Variants in KNDC1 observed in about 807,000 individuals in gnomAD.
The protein encoded by KNDC1 is kinase non-catalytic C-lobe domain-containing protein 1.
KNDC1 carries 106 observed loss-of-function variants against 172.8 expected under a neutral mutation model. That is an observed-to-expected ratio of 0.61 (90% CI 0.52 to 0.72). KNDC1 has a LOEUF of 0.72. Among genes scored for constraint, KNDC1 ranks in the 30% least tolerant of loss-of-function variants. The pLI is 0.00. For missense variants in KNDC1, 2,325 were observed against 2,394.5 expected, an observed-to-expected ratio of 0.97 and a Z score of 0.61; for synonymous variants, 1,083 against 1,062.2, an observed-to-expected ratio of 1.02 and a Z score of -0.38.
chr10:133,186,787 C>A, intron 6 of KNDC1, 113 bp downstream of exon 6: 1 of 737,544 alleles, frequency 1.4e-6, no homozygotes, highest in Non-Finnish European at 2.1e-6. Flanking sequence ...AACCTTCACC[C>A]TCGCTCCATA....
rs1409058706 is a variant in KNDC1, at chr10:133,224,888, T to C, written c.5248T>C (p.Ter1750GlnextTer85). ...KLRRMKATFQ[*>Q] ...ACGGAGGATGAAGGCTACATTCCAG[T>C]AGCCGAGCTCGGGCCTGGTGTGGAA... The change falls in exon 30 of 30, where the codon TAG (stop) becomes CAG (glutamine). Residue 1750 changes from the stop codon to glutamine (Q), a stop_lost. Coordinates refer to ENST00000304613, the MANE Select transcript of KNDC1 (RefSeq NM_152643.8). This position sits in a 1 kb window ranked among gnomAD's most constrained non-coding sequence, Gnocchi z 5.4. 2 of 1,609,832 alleles carry C rather than the reference T, an allele frequency of 1.2e-6. No homozygotes were observed. Among genetic ancestry groups the C allele is most frequent in the Non-Finnish European group, 1.7e-6 (2 of 1,176,676 alleles).
intron 3 of KNDC1, among the ~76,000 whole-genome samples, chr10:133,177,485 T>C (rs114787417): frequency 0.044 from 6,641 of 152,196 alleles, 204 homozygotes; most frequent in Middle Eastern, 0.065. Flanking sequence ...TGCATGCATG[T>C]AGTATGGTGT....
chr10:133,221,762 T>G (rs575196454), intron 29 of KNDC1, among the ~76,000 whole-genome samples: 2 of 152,190 alleles, frequency 1.3e-5, no homozygotes, highest in African/African-American at 2.4e-5. Flanking sequence ...AGAAAACCCA[T>G]GTCAGCAAAA....
In KNDC1 at chr10:133,218,823, T is replaced by C; in HGVS notation, c.4678-8T>C. The C allele has an allele frequency of 6.2e-7, 1 of 1,609,640 alleles. No homozygotes were observed. The highest frequency in any genetic ancestry group is 8.5e-7 in the Non-Finnish European group (1 of 1,176,460). ...GAAGACGCTGAATGTGTCATTTTCT[T>C]ATTGCAGCTGCAGGTGAACTTGCTG... On this transcript the variant is annotated splice_region_variant and splice_polypyrimidine_tract_variant and intron_variant, in intron 26 of 29. Transcript: ENST00000304613.
rs61746070 is a variant in KNDC1, at chr10:133,186,039, G to A, written c.691G>A (p.Gly231Arg). The A allele has an allele frequency of 1.3e-3, 2,048 of 1,596,774 alleles. 43 individuals are homozygous for A. Among genetic ancestry groups the A allele is most frequent in the Middle Eastern group, 5.1e-4 (3 of 5,914 alleles). The change falls in exon 6 of 30, where the codon GGG becomes AGG. Residue 231 changes from glycine (G) to arginine (R), a missense_variant. Gly to Arg is a moderately radical substitution (Grantham distance 125). Transcript: ENST00000304613. ...AAACGCTGGGCCCAGGAGGCCGCCC[G>A]GGGACCCCAGCACTGACCCGGAGGT... ...PGNAGPRRPPGDPSTDPEVLP... is the reference protein window; with the variant it reads ...PGNAGPRRPPRDPSTDPEVLP...
At position 133,198,357 on chromosome 10, in the gene KNDC1, G is replaced by C. The variant is rs761476255; in HGVS notation, c.1927G>C (p.Asp643His). The C allele has an allele frequency of 6.3e-7, 1 of 1,589,044 alleles. No individual in the cohort carries two copies. The highest frequency in any genetic ancestry group is 1.7e-5 in the Admixed American group (1 of 58,078). Residue 643 changes from aspartate to histidine, a missense_variant, in exon 13 of 30, where the codon GAC becomes CAC. Physicochemically the swap from Asp to His is moderately conservative, Grantham distance 81. Coordinates refer to ENST00000304613, the MANE Select transcript of KNDC1 (RefSeq NM_152643.8). ...PSPGFLPVNS[D>H]TGLVAVPGPV... ...CCCAGGCTTCCTGCCGGTGAACAGCGACACCGGGCTTGTGGCTGTGCCAGG... is the reference window on the plus strand; with the variant it reads ...CCCAGGCTTCCTGCCGGTGAACAGCCACACCGGGCTTGTGGCTGTGCCAGG...
intron 3 of KNDC1, among the ~76,000 whole-genome samples, chr10:133,170,370 C>CCTGGGGT (rs1220936208): frequency 1.3e-5 from 2 of 151,596 alleles, no homozygotes; most frequent in African/African-American, 4.8e-5. Context: ...TGGGGTCTGG[C>CCTGGGGT]CTGGGGTCTG....
intron 1 of KNDC1, among the ~76,000 whole-genome samples, chr10:133,165,298 C>G (rs1853113140): frequency 6.6e-6 from 1 of 152,216 alleles, no homozygotes; most frequent in Admixed American, 6.5e-5. Flanking sequence ...AGGGGGCTGC[C>G]CATCACCAGG....
Position 133,212,939 on chromosome 10 carries a change from T to C in KNDC1, c.4443+17T>C. 1 of 1,601,650 alleles carries C rather than the reference T, an allele frequency of 6.2e-7. No individual in the cohort carries two copies. Among genetic ancestry groups the C allele is most frequent in the Non-Finnish European group, 8.5e-7 (1 of 1,171,560 alleles). On this transcript the variant is annotated intron_variant, in intron 24 of 29. Coordinates refer to ENST00000304613, the MANE Select transcript of KNDC1 (RefSeq NM_152643.8). Reference sequence around the variant, plus strand: ...CTACAGCAGGTGAGGAGGGCGAGGATCTGCGCCCAGGTCACCTGCGAGTCG... The same window carrying C: ...CTACAGCAGGTGAGGAGGGCGAGGACCTGCGCCCAGGTCACCTGCGAGTCG...
rs1225438438 is a variant in KNDC1 at position 133,198,999 on chromosome 10, C to T, written c.2491C>T (p.Pro831Ser). 3.9e-6 allele frequency: 6 copies of T among 1,557,614 alleles called. No homozygotes were observed. The highest frequency in any genetic ancestry group is 3.5e-5 in the South Asian group (3 of 85,516). ...CCACGGCCCACGCCACCCGCCCAAG[C>T]CCCCACGAAGCAAGGCCACCGAGCG... ...AHHGPRHPPK[P>S]PRSKATERPG... Residue 831 changes from proline (P) to serine (S), a missense_variant, in exon 14 of 30, where the codon CCC becomes TCC. Transcript: ENST00000304613.
At position 133,210,658 on chromosome 10, in the gene KNDC1, G is replaced by A. The variant is rs1234900127; in HGVS notation, c.3842G>A (p.Arg1281His). The A allele has an allele frequency of 1.9e-6, 3 of 1,613,856 alleles. No individual in the cohort carries two copies. Among genetic ancestry groups the A allele is most frequent in the Admixed American group, 1.7e-5 (1 of 59,996 alleles). Residue 1281 changes from arginine (R) to histidine (H), a missense_variant, in exon 21 of 30, where the codon CGC (arginine) becomes CAC (histidine). Transcript: ENST00000304613. ...GYVQQFLYTF[R>H]YFCTPHDFLH... ...GTGCAGCAATTCCTCTACACCTTCC[G>A]CTACTTCTGCACACCCCACGACTTC...
intron 6 of KNDC1, among the ~76,000 whole-genome samples, 183 bp from the exon 7 acceptor site, chr10:133,188,356 C>T (rs1853978723): frequency 6.6e-6 from 1 of 152,170 alleles, no homozygotes; most frequent in South Asian, 2.1e-4. Flanking sequence ...GCCCCAGTCT[C>T]CCCACGGCCC....
rs754435465 is a variant in KNDC1 at position 133,183,469 on chromosome 10, C to A, written c.486C>A (p.Pro162=). Residue 162 remains proline, a synonymous_variant, in exon 4 of 30, where the codon CCC becomes CCA. Transcript: ENST00000304613. ...ALLSRMQAED[P]GDRPDLESII... is the part of the protein sequence containing the mutation. ...TGAGCCGGATGCAGGCGGAGGACCCCGGGGACCGGCCGGACCTTGAGGTAA... is the reference window on the plus strand; with the variant it reads ...TGAGCCGGATGCAGGCGGAGGACCCAGGGGACCGGCCGGACCTTGAGGTAA... 5 of 1,604,364 alleles carry A rather than the reference C, an allele frequency of 3.1e-6. No individual in the cohort carries two copies. In the South Asian group the frequency reaches 4.5e-5, roughly 14 times the overall value.
rs1380190086 is a variant in KNDC1, at chr10:133,201,701, G to A, written c.3190G>A (p.Glu1064Lys). ...RRPAGGASDV[E>K]AVTRLARSKG... ...GCCAGCTGGCGGGGCCTCAGACGTG[G>A]AGGCAGTGACCCGACTGGCCAGGTC... The change falls in exon 17 of 30, where the codon GAG becomes AAG. Residue 1064 changes from glutamate (E) to lysine (K), a missense_variant. Transcript: ENST00000304613. 34 of 1,611,468 alleles carry A rather than the reference G, an allele frequency of 2.1e-5. No individual in the cohort carries two copies. In the Admixed American group the frequency reaches 5.3e-4, roughly 25 times the overall value.
chr10:133,188,294 C>A (rs1853976951), intron 6 of KNDC1, among the ~76,000 whole-genome samples: 1 of 152,198 alleles, frequency 6.6e-6, no homozygotes, highest in African/African-American at 2.4e-5. Context: ...AACGGCAGCA[C>A]TGTCGTCTGC....
At chr10:133,217,226 AAT>A (rs1329509952) in intron 26 of KNDC1, among the ~76,000 whole-genome samples, 4 of 152,290 alleles carry the variant, frequency 2.6e-5, no homozygotes, top group Non-Finnish European at 5.9e-5. Context: ...AGTGTGGCGA[AAT>A]AGTTTTATCT....
intron 9 of KNDC1, among the ~76,000 whole-genome samples, chr10:133,190,530 G>A (rs1854049664): frequency 6.6e-6 from 1 of 152,224 alleles, no homozygotes; most frequent in Non-Finnish European, 1.5e-5. Flanking sequence ...AGCCGTGAGT[G>A]CCCTGGGTTT....
At chr10:133,204,508 A>G (rs73388571) in intron 17 of KNDC1, among the ~76,000 whole-genome samples, 2,778 of 152,208 alleles carry the variant, frequency 0.018, 91 homozygotes, top group African/African-American at 0.063. Context: ...CAGCTGGGAC[A>G]CTGCCCACAC....
At chr10:133,184,444 C>A (rs1057407634) in intron 5 of KNDC1, among the ~76,000 whole-genome samples, 1 of 152,234 alleles carries the variant, frequency 6.6e-6, no homozygotes, top group African/African-American at 2.4e-5. Flanking sequence ...CACAAACTCA[C>A]GTATTCACAC....
Sources: gnomAD v4.1 joint callset for allele counts (sites outside exome capture counted in the v4.1 genomes callset) on GRCh38, gnomAD v4.1.1 for gene constraint, Gnocchi (gnomAD v3.1) non-coding constraint, MANE v1.5 for transcripts, NCBI Gene and HGNC (gene_info 2026-07-23, HGNC 2026-07-21) for gene names.